CCDC7: variants seen among roughly 807,000 people sequenced by gnomAD.
CCDC7 encodes coiled-coil domain-containing protein 7.
Under a neutral mutation model 196.9 loss-of-function variants are expected in CCDC7, and 183 were observed. The observed-to-expected ratio is 0.93, with a 90% CI of 0.82 to 1.05. The LOEUF (loss-of-function observed/expected upper bound fraction) is 1.05. CCDC7 is among the 50% of genes least tolerant of loss of function. The pLI, the probability that CCDC7 is intolerant of heterozygous loss-of-function variation, is 0.00. For missense variants in CCDC7, 1,540 were observed against 1,482.2 expected (o/e 1.04, Z -0.64); for synonymous variants, 525 against 484.6 (o/e 1.08, Z -1.10).
chr10:32,487,531 G>C (rs2041365873), intron 8 of CCDC7, among the ~76,000 whole-genome samples: 1 of 152,228 alleles, frequency 6.6e-6, no homozygotes, highest in African/African-American at 2.4e-5. Flanking sequence ...CTGGTGAGGA[G>C]CTGCGTTCCT....
At chr10:32,620,731 T>A (rs2063324317) in intron 18 of CCDC7, among the ~76,000 whole-genome samples, 1 of 152,138 alleles carries the variant, frequency 6.6e-6, no homozygotes, top group African/African-American at 2.4e-5. Context: ...TGATTAAGGT[T>A]TAGATACTGT....
At chr10:32,789,876 A>C (rs371568484) in intron 29 of CCDC7, among the ~76,000 whole-genome samples, 64 of 152,250 alleles carry the variant, frequency 4.2e-4, no homozygotes, top group African/African-American at 1.4e-3. Context: ...CCAAAGTGAC[A>C]AAATAGGTAA....
At chr10:32,868,836 C>G (rs912735576) in intron 41 of CCDC7, among the ~76,000 whole-genome samples, 2 of 150,370 alleles carry the variant, frequency 1.3e-5, no homozygotes, top group African/African-American at 4.9e-5. Context: ...TTTTGTCCTT[C>G]CGATACTTTG....
chr10:32,583,329 G>T, intron 17 of CCDC7, 22 bp downstream of exon 18: 1 of 1,208,982 alleles, frequency 8.3e-7, no homozygotes, highest in Non-Finnish European at 1.0e-6. Context: ...ATAGAAACTT[G>T]AAAGCTGTTT....
At position 32,828,429 on chromosome 10, in the gene CCDC7, A is replaced by G. The variant is rs1190146381; in HGVS notation, c.3268+3825A>G. On this transcript the variant is annotated intron_variant, in intron 32 of 41. Transcript: ENST00000639629. ...GAGAAGGAGAAGGAGAAGAAGAAGA[A>G]GGAAGGAAGGAGAAGAAGAAGAAGA... is the stretch of plus-strand genomic sequence containing the variant. 7.4e-5 allele frequency among the ~76,000 whole-genome samples: 8 copies of G among 107,712 alleles called. 2 individuals are homozygous for G. The highest frequency in any genetic ancestry group is 1.7e-4 in the Non-Finnish European group (8 of 47,472). 70.7% of individuals were successfully genotyped at this position (107,712 alleles called of 152,430 possible).
chr10:32,803,676 T>C (rs1430204021), intron 29 of CCDC7, among the ~76,000 whole-genome samples: 1 of 152,188 alleles, frequency 6.6e-6, no homozygotes, highest in Non-Finnish European at 1.5e-5. Context: ...TCTTGGTTTT[T>C]TGTTATCAAT....
intron 5 of CCDC7, 144 bp downstream of exon 6, chr10:32,463,193 G>C (rs2036097350): frequency 9.1e-6 from 9 of 987,542 alleles, no homozygotes; most frequent in East Asian, 2.7e-5. Context: ...GGGTAGACAA[G>C]GAATAAGTGG....
intron 41 of CCDC7, among the ~76,000 whole-genome samples, chr10:32,861,371 G>A (rs2136490033): frequency 6.6e-6 from 1 of 151,920 alleles, no homozygotes; most frequent in Non-Finnish European, 1.5e-5. Flanking sequence ...CTAGTCATAT[G>A]CAGAAAACTG....
intron 16 of CCDC7, among the ~76,000 whole-genome samples, chr10:32,581,490 G>C (rs527998248): frequency 6.6e-6 from 1 of 151,676 alleles, no homozygotes. Context: ...CATCTAATCA[G>C]TAGGGCTTTG....
At chr10:32,711,419 A>G (rs2080822644) in intron 24 of CCDC7, among the ~76,000 whole-genome samples, 1 of 152,206 alleles carries the variant, frequency 6.6e-6, no homozygotes, top group Non-Finnish European at 1.5e-5. Context: ...ATCTAGGAAT[A>G]TTTATGAAAT....
intron 17 of CCDC7, among the ~76,000 whole-genome samples, chr10:32,584,031 C>T (rs1053973620): frequency 6.6e-6 from 1 of 152,032 alleles, no homozygotes; most frequent in South Asian, 2.1e-4. Flanking sequence ...TTCCCAATTG[C>T]CTCTCAGGTC....
exon 25 of CCDC7, chr10:32,711,724 C>A: frequency 6.5e-7 from 1 of 1,544,738 alleles, no homozygotes; most frequent in Non-Finnish European, 8.8e-7. Flanking sequence ...AGGAGAAGGA[C>A]GTAGCAGTAA....
exon 19 of CCDC7, chr10:32,634,360 T>C: frequency 9.1e-7 from 1 of 1,100,314 alleles, no homozygotes; most frequent in Non-Finnish European, 1.2e-6. Flanking sequence ...TGGAAAGACA[T>C]GAGGGTAAGT....
At position 32,874,351 on chromosome 10, in the gene CCDC7, G is replaced by A. The variant is rs1006655309; in HGVS notation, c.4112-1996G>A. ...TGTCCCCTGGCTGAATTGTATGGTG[G>A]TGAAATCTAGGATTTTAGTGCACCC... On this transcript the variant is annotated intron_variant, in intron 41 of 41. Coordinates refer to ENST00000639629, the Ensembl canonical transcript of CCDC7. 6.6e-5 allele frequency among the ~76,000 whole-genome samples: 10 copies of A among 151,642 alleles called. No homozygotes were observed. The East Asian group carries it at 1.9e-3, about 30-fold the overall frequency.
intron 18 of CCDC7, among the ~76,000 whole-genome samples, chr10:32,633,696 A>ATG (rs1554928040): frequency 6.5e-4 from 88 of 135,230 alleles, no homozygotes; most frequent in South Asian, 1.6e-3. Context: ...ATATATATAT[A>ATG]TGTGTGTGTG....
chr10:32,499,920 G>A (rs917800686), intron 9 of CCDC7, among the ~76,000 whole-genome samples: 5 of 152,190 alleles, frequency 3.3e-5, no homozygotes, highest in Non-Finnish European at 7.3e-5. Flanking sequence ...GGGGTTGGGG[G>A]TAAGGTTATA....
At position 32,704,876 on chromosome 10, in the gene CCDC7, GT is replaced by G. The variant is rs376116000; in HGVS notation, c.2459-6742del. 2.4e-3 allele frequency among the ~76,000 whole-genome samples: 361 copies of G among 152,258 alleles called. 3 individuals are homozygous for G. The highest frequency in any genetic ancestry group is 8.2e-3 in the African/African-American group (343 of 41,578). On this transcript the variant is annotated intron_variant, in intron 24 of 41. Transcript: ENST00000639629. ...GACTGTTGGAAAAGCGCAGTATTAG[GT>G]TGGGAGTGACTCGATTTTCCAGGTG...
At chr10:32,448,647 CT>C (rs2032109934), upstream of CCDC7, among the ~76,000 whole-genome samples, 1 of 151,948 alleles carries the variant, frequency 6.6e-6, no homozygotes, top group Non-Finnish European at 1.5e-5. Flanking sequence ...ATACCATCAA[CT>C]TTTGCCATGG....
At chr10:32,810,844 A>G (rs760753328) in intron 30 of CCDC7, among the ~76,000 whole-genome samples, 4 of 152,150 alleles carry the variant, frequency 2.6e-5, no homozygotes, top group African/African-American at 4.8e-5. Flanking sequence ...GATTAAAACT[A>G]GAAATCAAAA....
Sources: allele counts gnomAD v4.1 joint callset (sites outside exome capture counted in the v4.1 genomes callset), GRCh38; gene constraint gnomAD v4.1.1; transcripts MANE v1.5; gene names NCBI Gene and HGNC (gene_info 2026-07-23, HGNC 2026-07-21).